Variants in COL14A1 observed in about 807,000 individuals in gnomAD.
COL14A1 encodes collagen type XIV alpha 1 chain, also known as collagen alpha-1(XIV) chain.
A neutral mutation model predicts 230.3 loss-of-function variants in COL14A1; 136 were observed. The observed-to-expected ratio is 0.59, with a 90% CI of 0.51 to 0.68. The LOEUF (loss-of-function observed/expected upper bound fraction) is 0.68, where lower values mean the gene tolerates loss of function less well. Among genes scored for constraint, COL14A1 ranks in the 30% least tolerant of loss-of-function variants. The pLI is 0.00. For synonymous variants in COL14A1, 792 were observed against 784.1 expected (o/e 1.01, Z -0.17); for missense variants, 1,976 against 2,215.8 (o/e 0.89, Z 2.17).
At chr8:120,301,000 G>T (rs960171244) in intron 36 of COL14A1, among the ~76,000 whole-genome samples, 182 bp downstream of exon 36, 12 of 152,070 alleles carry the variant, frequency 7.9e-5, no homozygotes, top group Non-Finnish European at 1.2e-4. Flanking sequence ...GAGCTGGGCT[G>T]GGCTTCAAAT....
intron 5 of COL14A1, among the ~76,000 whole-genome samples, chr8:120,172,447 G>A (rs531628407): frequency 9.2e-5 from 14 of 152,170 alleles, no homozygotes; most frequent in African/African-American, 3.1e-4. Context: ...CACCGCAGCC[G>A]GTTAGGGTTA....
chr8:120,366,849 A>AT (rs1358737169), intron 45 of COL14A1, among the ~76,000 whole-genome samples: 12 of 152,344 alleles, frequency 7.9e-5, no homozygotes, highest in Admixed American at 3.9e-4. Context: ...TGCCAGCTGC[A>AT]TAAGTCCAGT....
chr8:120,243,729 G>T (rs1185451897), intron 19 of COL14A1, 150 bp from the exon 20 acceptor site: 1 of 832,780 alleles, frequency 1.2e-6, no homozygotes, highest in Non-Finnish European at 1.9e-6. Flanking sequence ...AGGGAGAAAC[G>T]CTTTTGCATG....
chr8:120,173,556 C>T (rs1223553457), intron 5 of COL14A1, among the ~76,000 whole-genome samples: 1 of 80,814 alleles, frequency 1.2e-5, no homozygotes, highest in East Asian at 4.7e-4. Context: ...TGCTCTCTAG[C>T]AATCAATCAT....
chr8:120,187,914 T>G (rs2130668349), intron 5 of COL14A1, among the ~76,000 whole-genome samples: 1 of 152,250 alleles, frequency 6.6e-6, no homozygotes, highest in African/African-American at 2.4e-5. Context: ...GACACATTAC[T>G]TGGGTTTCAA....
At chr8:120,138,767 G>GA (rs1814794903) in intron 1 of COL14A1, among the ~76,000 whole-genome samples, 1 of 152,164 alleles carries the variant, frequency 6.6e-6, no homozygotes. Flanking sequence ...GAGAAGAAAT[G>GA]AGGAGGAATA....
intron 5 of COL14A1, among the ~76,000 whole-genome samples, chr8:120,195,276 T>C (rs1816994079): frequency 6.6e-6 from 1 of 152,054 alleles, no homozygotes; most frequent in Admixed American, 6.6e-5. Flanking sequence ...ATATTCAACT[T>C]GTTTATGAAT....
At chr8:120,208,138 G>T in intron 10 of COL14A1, 94 bp from the exon 11 acceptor site, 3 of 1,242,778 alleles carry the variant, frequency 2.4e-6, no homozygotes, top group Non-Finnish European at 3.3e-6. Context: ...AATATTCAAT[G>T]AAATATTTTT....
intron 45 of COL14A1, among the ~76,000 whole-genome samples, chr8:120,348,233 G>T (rs564301263): frequency 6.8e-6 from 1 of 146,736 alleles, no homozygotes; most frequent in African/African-American, 2.5e-5. Flanking sequence ...CATATATAAA[G>T]CATATATATA....
At chr8:120,128,920 G>A (rs1024549895) in intron 1 of COL14A1, among the ~76,000 whole-genome samples, 21 of 152,104 alleles carry the variant, frequency 1.4e-4, no homozygotes, top group African/African-American at 4.6e-4. Context: ...CAATGTCTTA[G>A]GGTGTGTCTT....
intron 45 of COL14A1, among the ~76,000 whole-genome samples, chr8:120,348,994 A>C (rs1822644519): frequency 6.6e-6 from 1 of 152,164 alleles, no homozygotes; most frequent in Non-Finnish European, 1.5e-5. Flanking sequence ...CCTGTCTGAC[A>C]GCTTTGAAGG....
At chr8:120,369,568 GA>G (rs937573790) in intron 47 of COL14A1, 83 bp downstream of exon 47, 4 of 1,321,898 alleles carry the variant, frequency 3.0e-6, no homozygotes, top group Admixed American at 2.9e-5. Context: ...ATAGTGCTAT[GA>G]AAAAAGTTAA....
At chr8:120,301,772 A>C in intron 36 of COL14A1, among the ~76,000 whole-genome samples, 1 of 152,182 alleles carries the variant, frequency 6.6e-6, no homozygotes, top group East Asian at 1.9e-4. Context: ...TCTTTGAGGA[A>C]TCACCACACT....
At chr8:120,184,391 A>T (rs1286751680) in intron 5 of COL14A1, among the ~76,000 whole-genome samples, 1 of 151,916 alleles carries the variant, frequency 6.6e-6, no homozygotes, top group Non-Finnish European at 1.5e-5. Context: ...AGTAGCTGGG[A>T]TCACAGGTGT....
intron 21 of COL14A1, among the ~76,000 whole-genome samples, chr8:120,248,024 C>A (rs888491290): frequency 6.6e-6 from 1 of 152,070 alleles, no homozygotes; most frequent in Non-Finnish European, 1.5e-5. Context: ...AGACCAGGAA[C>A]CAATCTAAGG....
chr8:120,172,863 T>C (rs1198708515), intron 5 of COL14A1, among the ~76,000 whole-genome samples: 2 of 152,210 alleles, frequency 1.3e-5, no homozygotes, highest in African/African-American at 4.8e-5. Flanking sequence ...TTGTCTCCCG[T>C]TCCAGCATGA....
chr8:120,179,873 G>A (rs1282341008), intron 5 of COL14A1, among the ~76,000 whole-genome samples: 3 of 152,048 alleles, frequency 2.0e-5, no homozygotes, highest in Non-Finnish European at 4.4e-5. Flanking sequence ...TGGAACAGAA[G>A]CGAGTCTTCA....
rs1296094140 is a variant in COL14A1, at chr8:120,365,013, T to G, written c.5078-2158T>G. On this transcript the variant is annotated intron_variant, in intron 45 of 47. Transcript: ENST00000297848. ...GGCATTTCAAGGGCTGGAATTTTTTTTTAATATTTTTTGTGAGGCTAGTTC... is the reference window on the plus strand; with the variant it reads ...GGCATTTCAAGGGCTGGAATTTTTTGTTAATATTTTTTGTGAGGCTAGTTC... Among the ~76,000 whole-genome samples the G allele has an allele frequency of 3.6e-5, 5 of 137,644 alleles. No homozygotes were observed. The East Asian group carries it at 6.1e-4, about 17-fold the overall frequency. 90.3% of individuals were successfully genotyped at this position (137,644 alleles called of 152,430 possible).
chr8:120,128,971 C>T (rs770717206), intron 1 of COL14A1, among the ~76,000 whole-genome samples: 7 of 152,014 alleles, frequency 4.6e-5, no homozygotes, highest in Non-Finnish European at 7.4e-5. Context: ...GGATAAAGAT[C>T]TATTTCTGGG....
Sources: gnomAD v4.1 joint callset for allele counts (sites outside exome capture counted in the v4.1 genomes callset) on GRCh38, gnomAD v4.1.1 for gene constraint, MANE v1.5 for transcripts, NCBI Gene and HGNC (gene_info 2026-07-23, HGNC 2026-07-21) for gene names.